Variants in SPECC1 observed in about 807,000 individuals in gnomAD.
SPECC1 encodes the protein cytospin-B.
SPECC1 carries 62 observed loss-of-function variants against 104.1 expected under a neutral mutation model. The ratio of observed to expected loss-of-function variants is 0.60; its 90% CI spans 0.49 to 0.74. SPECC1 has a LOEUF of 0.74. SPECC1 is among the 30% of genes least tolerant of loss of function. SPECC1 has a pLI of 0.00. For synonymous variants in SPECC1, 513 were observed against 501.6 expected (o/e 1.02, Z -0.30); for missense variants, 1,306 against 1,310.5 (o/e 1.00, Z 0.05).
At chr17:20,051,133 T>TTTCTTTCTTTCCTTCTTTCTTTCC (rs2045756650) in intron 1 of SPECC1, among the ~76,000 whole-genome samples, 31 of 40,906 alleles carry the variant, frequency 7.6e-4, no homozygotes, top group African/African-American at 2.4e-3. Flanking sequence ...TCTTTCTTTC[T>TTTCTTTCTTTCCTTCTTTCTTTCC]TTCTTTCCTT....
At chr17:20,266,006 T>TG (rs2040203508) in intron 12 of SPECC1, among the ~76,000 whole-genome samples, 1 of 152,218 alleles carries the variant, frequency 6.6e-6, no homozygotes, top group Non-Finnish European at 1.5e-5. Flanking sequence ...ACTCAGGCAA[T>TG]GCGAGTCTCC....
At chr17:20,245,087 AT>A (rs1302034604) in intron 7 of SPECC1, among the ~76,000 whole-genome samples, 1 of 152,226 alleles carries the variant, frequency 6.6e-6, no homozygotes, top group Non-Finnish European at 1.5e-5. Context: ...TACCATTCTT[AT>A]GCTTAGAAGT....
Position 20,314,283 on chromosome 17 carries a change from T to C in SPECC1, c.*218T>C, listed in dbSNP as rs2042004656. 1.7e-6 allele frequency: 1 copy of C among 577,168 alleles called. No homozygotes were observed. The highest frequency in any genetic ancestry group is 2.0e-5 in the South Asian group (1 of 51,158). The allele number at this position is 577,168 out of a possible 1,614,324, so 35.8% of individuals were successfully genotyped here. On this transcript the variant is annotated 3_prime_UTR_variant, in exon 15 of 15. Coordinates refer to ENST00000395527, the MANE Select transcript of SPECC1 (RefSeq NM_001243439.2). ...TGCAGCTGGACTGTAAATTGGGGAC[T>C]CTTTGATCTCTTGTGGGATGCTTCT...
chr17:20,085,041 G>A (rs1316031600), intron 1 of SPECC1, among the ~76,000 whole-genome samples: 1 of 152,250 alleles, frequency 6.6e-6, no homozygotes, highest in Non-Finnish European at 1.5e-5. Flanking sequence ...TAAGTGAAAA[G>A]CAGGAGTTCA....
Position 20,313,993 on chromosome 17 carries a change from G to C in SPECC1, c.3135G>C (p.Leu1045=), listed in dbSNP as rs374356375. Residue 1045 remains leucine (L), a synonymous_variant, in exon 15 of 15, where the codon CTG becomes CTC. Coordinates refer to ENST00000395527, the MANE Select transcript of SPECC1 (RefSeq NM_001243439.2). ...CCCTGCAGGAACTCAGCGAGATGCT[G>C]TACACAGACCGGCCCGACTGGCAGA... ...IKPSLELSEM[L]YTDRPDWQSV... is the part of the protein sequence containing the mutation. 1 of 1,614,186 alleles carries C rather than the reference G, an allele frequency of 6.2e-7. No individual in the cohort carries two copies. The highest frequency in any genetic ancestry group is 8.5e-7 in the Non-Finnish European group (1 of 1,180,020).
At chr17:20,074,379 A>G (rs1448248402) in intron 1 of SPECC1, among the ~76,000 whole-genome samples, 1 of 152,178 alleles carries the variant, frequency 6.6e-6, no homozygotes, top group African/African-American at 2.4e-5. Context: ...GAAGTTATTT[A>G]TTATATGGTT....
In SPECC1 at chr17:20,309,330, T is replaced by G. The variant is rs191186884; in HGVS notation, c.3117+3248T>G. Among the ~76,000 whole-genome samples, 41 of 152,364 alleles carry G rather than the reference T, an allele frequency of 2.7e-4. No individual in the cohort carries two copies. The East Asian group carries it at 3.9e-3, about 14-fold the overall frequency. On this transcript the variant is annotated intron_variant, in intron 14 of 14. Coordinates refer to ENST00000395527, the MANE Select transcript of SPECC1 (RefSeq NM_001243439.2). ...GTTAGATTATGCCAGGAAAATTGTC[T>G]TATATGTTTATATTCAAGTAAATAT...
At chr17:20,248,578 A>G (rs1212751005) in intron 9 of SPECC1, among the ~76,000 whole-genome samples, 1 of 152,234 alleles carries the variant, frequency 6.6e-6, no homozygotes, top group African/African-American at 2.4e-5. Context: ...TTTGAAGATC[A>G]AGTAAGTGAA....
Position 20,013,270 on chromosome 17 carries a change from A to C in SPECC1, c.-22+3846A>C, listed in dbSNP as rs796935829. Among the ~76,000 whole-genome samples, 11 of 152,236 alleles carry C rather than the reference A, an allele frequency of 7.2e-5. No homozygotes were observed. The South Asian group carries it at 1.2e-3, about 17-fold the overall frequency. Reference sequence around the variant, plus strand: ...TACTTCTATTTTTAATTTTTTGATGACCCAGCATAGTGTTTTCCGCAGAGG... The same window carrying C: ...TACTTCTATTTTTAATTTTTTGATGCCCCAGCATAGTGTTTTCCGCAGAGG... On this transcript the variant is annotated intron_variant, in intron 1 of 14. Coordinates refer to ENST00000395527, the MANE Select transcript of SPECC1 (RefSeq NM_001243439.2).
chr17:20,164,030 A>G (rs542431396), intron 3 of SPECC1, among the ~76,000 whole-genome samples: 1 of 152,248 alleles, frequency 6.6e-6, no homozygotes, highest in East Asian at 1.9e-4. Context: ...TATAATGCAG[A>G]TATTTCTTAA....
In SPECC1 at chr17:20,215,151, C is replaced by G. The variant is rs535313895; in HGVS notation, c.1863+9239C>G. On this transcript the variant is annotated intron_variant, in intron 4 of 14. Coordinates refer to ENST00000395527, the MANE Select transcript of SPECC1 (RefSeq NM_001243439.2). ...CCGGGGCCTCGTGCCTGAGGTCTCT[C>G]TTTGCCCCTCCAGTACCTTTAGAAG... 5.9e-5 allele frequency among the ~76,000 whole-genome samples: 9 copies of G among 152,336 alleles called. No homozygotes were observed. The South Asian group carries it at 1.9e-3, about 32-fold the overall frequency.
At chr17:20,169,077 T>C (rs1343393878) in intron 3 of SPECC1, among the ~76,000 whole-genome samples, 1 of 152,210 alleles carries the variant, frequency 6.6e-6, no homozygotes, top group Non-Finnish European at 1.5e-5. Flanking sequence ...TTCACTATGT[T>C]GCCCAGGCTG....
chr17:20,042,783 G>A (rs1331220883), intron 1 of SPECC1, among the ~76,000 whole-genome samples: 1 of 152,124 alleles, frequency 6.6e-6, no homozygotes, highest in Non-Finnish European at 1.5e-5. Flanking sequence ...TGCTGCTTCA[G>A]CTCCAAGTCT....
chr17:20,296,868 T>C, intron 12 of SPECC1, 93 bp from the exon 13 acceptor site: 1 of 1,191,550 alleles, frequency 8.4e-7, no homozygotes, highest in African/African-American at 1.5e-5. Flanking sequence ...ACATTGATTT[T>C]GTGTAGATTC....
intron 2 of SPECC1, among the ~76,000 whole-genome samples, chr17:20,097,929 T>A (rs1441362126): frequency 6.6e-6 from 1 of 152,152 alleles, no homozygotes; most frequent in Non-Finnish European, 1.5e-5. Flanking sequence ...TAGTAACACA[T>A]CCAGTCATGG....
intron 1 of SPECC1, among the ~76,000 whole-genome samples, chr17:20,041,697 G>A (rs1276924311): frequency 1.5e-5 from 2 of 136,234 alleles, no homozygotes; most frequent in African/African-American, 5.5e-5. Context: ...GTGCGATCTC[G>A]GCTCACTGCT....
intron 13 of SPECC1, among the ~76,000 whole-genome samples, chr17:20,298,948 A>AGAGAGTGTGT: frequency 3.3e-4 from 16 of 49,070 alleles, no homozygotes; most frequent in African/African-American, 1.1e-3. Flanking sequence ...AGAGAGAGAG[A>AGAGAGTGTGT]GTGTGTGTGT....
At chr17:20,050,920 T>C (rs1278398570) in intron 1 of SPECC1, among the ~76,000 whole-genome samples, 3 of 152,226 alleles carry the variant, frequency 2.0e-5, no homozygotes, top group African/African-American at 7.2e-5. Context: ...GAGGAACTTC[T>C]TAAAGCACAA....
intron 3 of SPECC1, among the ~76,000 whole-genome samples, chr17:20,143,352 C>T (rs57146223): frequency 0.027 from 3,952 of 148,468 alleles, 143 homozygotes; most frequent in African/African-American, 0.085. Flanking sequence ...CACTACTGCA[C>T]GCCAGCCTGG....
Sources: gnomAD v4.1 joint callset for allele counts (sites outside exome capture counted in the v4.1 genomes callset) on GRCh38, gnomAD v4.1.1 for gene constraint, MANE v1.5 for transcripts, NCBI Gene and HGNC (gene_info 2026-07-23, HGNC 2026-07-21) for gene names.